Variants in DLG2 observed in about 807,000 individuals in gnomAD.
The protein encoded by DLG2 is discs large MAGUK scaffold protein 2.
DLG2 carries 45 observed loss-of-function variants against 132.5 expected under a neutral mutation model. The observed-to-expected ratio is 0.34, with a 90% CI of 0.27 to 0.44. The LOEUF (loss-of-function observed/expected upper bound fraction) is 0.44, where lower values mean the gene tolerates loss of function less well. Among genes scored for constraint, DLG2 ranks in the 20% least tolerant of loss-of-function variants. DLG2 has a pLI of 1.00. For missense variants in DLG2, 1,045 were observed against 1,196.9 expected, an observed-to-expected ratio of 0.87 and a Z score of 1.87; for synonymous variants, 424 against 419.6, an observed-to-expected ratio of 1.01 and a Z score of -0.13.
At chr11:83,611,151 A>T (rs2060056157) in intron 19 of DLG2, among the ~76,000 whole-genome samples, 1 of 152,236 alleles carries the variant, frequency 6.6e-6, no homozygotes, top group Non-Finnish European at 1.5e-5. Flanking sequence ...AGTGAATCAC[A>T]GTTTTGGCAC....
chr11:84,702,523 C>T (rs975688366), intron 6 of DLG2, among the ~76,000 whole-genome samples: 2 of 151,646 alleles, frequency 1.3e-5, no homozygotes, highest in African/African-American at 4.8e-5. Context: ...CTTTTGTTTT[C>T]CCCTTCCTTA....
rs374191153 is a variant in DLG2 at position 83,611,063 on chromosome 11, CA to C, written c.1940+22147del. Among the ~76,000 whole-genome samples, 400 of 151,802 alleles carry C rather than the reference CA, an allele frequency of 2.6e-3. 3 individuals carry two copies. Among genetic ancestry groups the C allele is most frequent in the African/African-American group, 9.3e-3 (386 of 41,396 alleles). ...AATACTCATGGTCTTTTATTTTCCACAAAAAAAATCAGATCTAAAATAAAAG... is the reference window on the plus strand; with the variant it reads ...AATACTCATGGTCTTTTATTTTCCACAAAAAAATCAGATCTAAAATAAAAG... On this transcript the variant is annotated intron_variant, in intron 19 of 27. Coordinates refer to ENST00000376104, the MANE Select transcript of DLG2 (RefSeq NM_001142699.3).
chr11:84,274,589 T>C (rs779738812), intron 7 of DLG2, among the ~76,000 whole-genome samples: 3 of 152,202 alleles, frequency 2.0e-5, no homozygotes, highest in Non-Finnish European at 4.4e-5. Context: ...GACTGGTTCA[T>C]ACTAATGCCC....
At chr11:84,803,510 T>C (rs1040986232) in intron 6 of DLG2, among the ~76,000 whole-genome samples, 12 of 152,166 alleles carry the variant, frequency 7.9e-5, no homozygotes, top group African/African-American at 2.2e-4. Flanking sequence ...ATAAGCACAA[T>C]CCTCCACAAA....
chr11:85,128,634 C>T (rs2075389847), intron 5 of DLG2, among the ~76,000 whole-genome samples: 1 of 152,146 alleles, frequency 6.6e-6, no homozygotes, highest in Non-Finnish European at 1.5e-5. Flanking sequence ...AACTATTGTC[C>T]TATTGCCCAA....
At chr11:84,097,662 T>G (rs951752707) in intron 10 of DLG2, among the ~76,000 whole-genome samples, 5 of 152,182 alleles carry the variant, frequency 3.3e-5, no homozygotes, top group African/African-American at 1.2e-4. Context: ...ACAATAATTT[T>G]CACTTCTCCC....
chr11:84,445,285 C>T (rs533701887), intron 7 of DLG2, among the ~76,000 whole-genome samples: 2 of 152,246 alleles, frequency 1.3e-5, no homozygotes, highest in Non-Finnish European at 2.9e-5. Context: ...TTTCTTCTTA[C>T]AGATAAATAC....
intron 3 of DLG2, among the ~76,000 whole-genome samples, chr11:85,537,350 G>C (rs1219709120): frequency 6.6e-6 from 1 of 152,176 alleles, no homozygotes; most frequent in Non-Finnish European, 1.5e-5. Context: ...TGGAACCTTT[G>C]TTCTTTCACT....
intron 6 of DLG2, among the ~76,000 whole-genome samples, chr11:84,692,477 T>C (rs2058158624): frequency 6.6e-6 from 1 of 151,726 alleles, no homozygotes; most frequent in Non-Finnish European, 1.5e-5. Context: ...TCTGATTTGA[T>C]TTTCTCCCAG....
chr11:84,745,156 A>G (rs774060419), intron 6 of DLG2, among the ~76,000 whole-genome samples: 16 of 152,176 alleles, frequency 1.1e-4, no homozygotes, highest in African/African-American at 3.9e-4. Context: ...TACTTTACCT[A>G]TAATTTATAT....
intron 19 of DLG2, among the ~76,000 whole-genome samples, chr11:83,561,503 G>GTCT (rs2096609231): frequency 6.6e-6 from 1 of 152,196 alleles, no homozygotes; most frequent in African/African-American, 2.4e-5. Flanking sequence ...TTCTGCAAGT[G>GTCT]AAGAGTAATT....
intron 18 of DLG2, among the ~76,000 whole-genome samples, chr11:83,770,332 A>G (rs2094344112): frequency 6.8e-6 from 1 of 147,706 alleles, no homozygotes; most frequent in African/African-American, 2.5e-5. Context: ...AACCAGTTAA[A>G]AAGTTCTTTA....
chr11:84,332,352 C>T (rs1162727516), intron 7 of DLG2, among the ~76,000 whole-genome samples: 1 of 151,840 alleles, frequency 6.6e-6, no homozygotes, highest in Non-Finnish European at 1.5e-5. Flanking sequence ...GCTGGGACTA[C>T]AGGCGCCCGC....
chr11:84,497,034 T>A (rs1017354672), intron 7 of DLG2, among the ~76,000 whole-genome samples: 1 of 152,158 alleles, frequency 6.6e-6, no homozygotes, highest in African/African-American at 2.4e-5. Flanking sequence ...AATTCTCTGG[T>A]CTCGCATAAG....
intron 21 of DLG2, among the ~76,000 whole-genome samples, chr11:83,488,767 C>CTTGT: frequency 6.6e-6 from 1 of 152,022 alleles, no homozygotes; most frequent in East Asian, 1.9e-4. Context: ...TTTTCCTCTC[C>CTTGT]TTGTTTCTCC....
At chr11:83,846,940 CCAA>C (rs1195013426) in intron 16 of DLG2, among the ~76,000 whole-genome samples, 1,528 of 58,118 alleles carry the variant, frequency 0.026, 44 homozygotes, top group African/African-American at 0.066. Flanking sequence ...ATCTCCCAAG[CCAA>C]AAAAAAAAAA....
intron 7 of DLG2, among the ~76,000 whole-genome samples, chr11:84,292,796 A>G (rs916918234): frequency 6.6e-6 from 1 of 152,168 alleles, no homozygotes; most frequent in Non-Finnish European, 1.5e-5. Context: ...AGGGAGATAA[A>G]TTAGATGTAA....
At chr11:84,734,665 C>A (rs1418960814) in intron 6 of DLG2, among the ~76,000 whole-genome samples, 1 of 152,138 alleles carries the variant, frequency 6.6e-6, no homozygotes. Context: ...CCAGAACTTC[C>A]AACACTATGT....
intron 7 of DLG2, among the ~76,000 whole-genome samples, chr11:84,371,509 A>G (rs907141072): frequency 4.6e-5 from 7 of 152,068 alleles, no homozygotes; most frequent in Non-Finnish European, 1.0e-4. Flanking sequence ...CAGCCTCCCA[A>G]ACTGCTGGAG....
Sources: allele counts gnomAD v4.1 joint callset (sites outside exome capture counted in the v4.1 genomes callset), GRCh38; gene constraint gnomAD v4.1.1; transcripts MANE v1.5; gene names NCBI Gene and HGNC (gene_info 2026-07-23, HGNC 2026-07-21).